RERE: variants seen among roughly 807,000 people sequenced by gnomAD.
RERE encodes arginine-glutamic acid dipeptide repeats.
A neutral mutation model predicts 146.1 loss-of-function variants in RERE; 40 were observed. The observed-to-expected ratio is 0.27, with a 90% CI of 0.21 to 0.36. The LOEUF (loss-of-function observed/expected upper bound fraction) is 0.36, where lower values mean the gene tolerates loss of function less well. RERE is among the 10% of genes least tolerant of loss of function. RERE has a pLI of 1.00. For synonymous variants in RERE, 1,003 were observed against 866.0 expected, an observed-to-expected ratio of 1.16 and a Z score of -2.78; for missense variants, 1,933 against 2,138.7, an observed-to-expected ratio of 0.90 and a Z score of 1.90.
In RERE at chr1:8,364,902, CGGTGG is replaced by C; in HGVS notation, c.1448-69_1448-65del. The C allele has an allele frequency of 2.1e-5, 1 of 48,136 alleles. No individual in the cohort carries two copies. Among genetic ancestry groups the C allele is most frequent in the African/African-American group, 1.9e-4 (1 of 5,392 alleles). 3.0% of individuals were successfully genotyped at this position (48,136 alleles called of 1,614,324 possible). On this transcript the variant is annotated intron_variant, in intron 13 of 22. Transcript: ENST00000400908. This position sits in a 1 kb window ranked among gnomAD's most constrained non-coding sequence, Gnocchi z 5.1. ...CCATCATGCTCAGCCAAGGCTGGGC[CGGTGG>C]GGTGGGGGGGAGGGGGGAACACCTG...
intron 4 of RERE, among the ~76,000 whole-genome samples, chr1:8,581,828 G>A (rs923615034): frequency 3.4e-4 from 52 of 152,046 alleles, no homozygotes; most frequent in African/African-American, 1.2e-3. Context: ...ACCAATATTG[G>A]AAAGCATCAT....
intron 4 of RERE, among the ~76,000 whole-genome samples, chr1:8,571,877 G>A (rs1487036451): frequency 6.6e-6 from 1 of 151,060 alleles, no homozygotes; most frequent in Non-Finnish European, 1.5e-5. Context: ...GAGCTGAGCT[G>A]GGAAAATGCT....
intron 10 of RERE, among the ~76,000 whole-genome samples, chr1:8,492,786 TATC>T (rs1196356362): frequency 6.6e-6 from 1 of 152,180 alleles, no homozygotes; most frequent in African/African-American, 2.4e-5. Flanking sequence ...GCGTCTATGA[TATC>T]AGCTACAGCT....
At chr1:8,601,762 C>G (rs867965366) in intron 4 of RERE, among the ~76,000 whole-genome samples, 3 of 151,464 alleles carry the variant, frequency 2.0e-5, no homozygotes, top group African/African-American at 7.3e-5. Context: ...CACACACACA[C>G]ACACACACAC....
chr1:8,791,492 G>A (rs1641362812), intron 1 of RERE, among the ~76,000 whole-genome samples: 1 of 152,158 alleles, frequency 6.6e-6, no homozygotes, highest in Admixed American at 6.5e-5. Context: ...CCAAATGAAT[G>A]GGCAAGCCCA....
chr1:8,650,139 G>A (rs1490332789), intron 2 of RERE, among the ~76,000 whole-genome samples: 3 of 152,134 alleles, frequency 2.0e-5, no homozygotes, highest in South Asian at 4.1e-4. Context: ...CCAGAGTTTA[G>A]CAGCAAAGGT....
At chr1:8,698,452 GGC>G (rs1228665574) in intron 1 of RERE, among the ~76,000 whole-genome samples, 2 of 152,142 alleles carry the variant, frequency 1.3e-5, no homozygotes, top group African/African-American at 4.8e-5. Flanking sequence ...ACCATCTGGA[GGC>G]TTTTGACTTA....
At chr1:8,531,395 A>T (rs1388937748) in intron 7 of RERE, among the ~76,000 whole-genome samples, 1 of 151,848 alleles carries the variant, frequency 6.6e-6, no homozygotes, top group Non-Finnish European at 1.5e-5. Flanking sequence ...GTGAGGCCAG[A>T]CTGCACCACT....
chr1:8,542,047 C>T (rs186862525), intron 6 of RERE, among the ~76,000 whole-genome samples: 5 of 152,240 alleles, frequency 3.3e-5, no homozygotes, highest in South Asian at 2.1e-4. Flanking sequence ...TACTCCAAAA[C>T]GGCTTAAGCA....
chr1:8,693,794 C>T (rs1639261169), intron 1 of RERE, among the ~76,000 whole-genome samples: 1 of 151,854 alleles, frequency 6.6e-6, no homozygotes, highest in South Asian at 2.1e-4. Flanking sequence ...TAACAATGTA[C>T]CAAACTAATT....
chr1:8,610,347 T>C (rs1340293436), intron 4 of RERE, among the ~76,000 whole-genome samples: 2 of 152,012 alleles, frequency 1.3e-5, no homozygotes. Context: ...TCCCAGCACT[T>C]TGGGAGGCCG....
chr1:8,455,266 G>A (rs1315370295), intron 11 of RERE, among the ~76,000 whole-genome samples: 1 of 152,062 alleles, frequency 6.6e-6, no homozygotes, highest in Non-Finnish European at 1.5e-5. Context: ...TTTAGAGACA[G>A]GGTATCGCTC....
intron 12 of RERE, among the ~76,000 whole-genome samples, chr1:8,404,191 A>G (rs1643367802): frequency 6.6e-6 from 1 of 152,110 alleles, no homozygotes; most frequent in South Asian, 2.1e-4. Flanking sequence ...GCACTTTCAG[A>G]GGCTGAGGTG....
chr1:8,375,346 CA>C (rs1436564840), intron 12 of RERE, among the ~76,000 whole-genome samples: 1 of 152,118 alleles, frequency 6.6e-6, no homozygotes, highest in African/African-American at 2.4e-5. Context: ...ATTTTATCTC[CA>C]AAAAAGTAAA....
chr1:8,670,395 C>G (rs1638685500), intron 1 of RERE, among the ~76,000 whole-genome samples: 1 of 152,110 alleles, frequency 6.6e-6, no homozygotes, highest in South Asian at 2.1e-4. Context: ...TACTAGGTGG[C>G]CTAGGAGCTA....
chr1:8,497,431 G>A lies in RERE; in HGVS notation c.978C>T (p.Asp326=). Reference sequence around the variant, plus strand: ...TTGCTGCCCTCAAGTACATAAGGAGGTCACAGTCGTTAACTCCAGGCATCC... The same window carrying A: ...TTGCTGCCCTCAAGTACATAAGGAGATCACAGTCGTTAACTCCAGGCATCC... ...LVWMPGVNDC[D]LLMYLRAARS... Residue 326 remains aspartate (D), a synonymous_variant, in exon 9 of 23, where the codon GAC becomes GAT. Transcript: ENST00000400908. The A allele has an allele frequency of 1.2e-6, 2 of 1,614,112 alleles. No individual in the cohort carries two copies. The highest frequency in any genetic ancestry group is 2.2e-5 in the East Asian group (1 of 44,872).
At chr1:8,806,463 G>A (rs529853018) in intron 1 of RERE, among the ~76,000 whole-genome samples, 58 of 152,198 alleles carry the variant, frequency 3.8e-4, no homozygotes, top group African/African-American at 1.3e-3. Context: ...CCCAGGAGGC[G>A]GAGGTTGCAG....
At chr1:8,512,075 G>A (rs1235365884) in intron 7 of RERE, among the ~76,000 whole-genome samples, 4 of 114,754 alleles carry the variant, frequency 3.5e-5, no homozygotes, top group South Asian at 3.1e-4. Flanking sequence ...CGCCCAGGCC[G>A]GACTGCAGAC....
At position 8,352,699 on chromosome 1, in the gene RERE, C is replaced by G; in HGVS notation, c.*2388G>C. 1 of 152,250 alleles carries G rather than the reference C, an allele frequency of 6.6e-6. No homozygotes were observed. Among genetic ancestry groups the G allele is most frequent in the East Asian group, 1.9e-4 (1 of 5,186 alleles). The allele number at this position is 152,250 out of a possible 1,614,324, so 9.4% of individuals were successfully genotyped here. A position where few individuals can be genotyped will look rare whatever the true frequency, so the allele number is the denominator to read the frequency against. Reference sequence around the variant, plus strand: ...AACCCCGAACAAAGGGAGGAAAATCCGAAGGAAACCGAGTGGTTGGGCTTC... The same window carrying G: ...AACCCCGAACAAAGGGAGGAAAATCGGAAGGAAACCGAGTGGTTGGGCTTC... On this transcript the variant is annotated 3_prime_UTR_variant, in exon 23 of 23. Coordinates refer to ENST00000400908, the MANE Select transcript of RERE (RefSeq NM_001042681.2).
Sources: allele counts gnomAD v4.1 joint callset (sites outside exome capture counted in the v4.1 genomes callset), GRCh38; gene constraint gnomAD v4.1.1; non-coding constraint Gnocchi (gnomAD v3.1); transcripts MANE v1.5; gene names NCBI Gene and HGNC (gene_info 2026-07-23, HGNC 2026-07-21).